The following PPFIBP2 variants were observed in gnomAD, a reference collection of about 807,000 sequenced individuals.
PPFIBP2 encodes liprin-beta-2.
Under a neutral mutation model 118.3 loss-of-function variants are expected in PPFIBP2, and 118 were observed. The ratio of observed to expected loss-of-function variants is 1.00; its 90% CI spans 0.86 to 1.16. PPFIBP2 has a LOEUF of 1.16. PPFIBP2 is among the 50% of genes most tolerant of loss of function. PPFIBP2 has a pLI of 0.00. For missense variants in PPFIBP2, 1,195 were observed against 1,073.1 expected (o/e 1.11, Z -1.59); for synonymous variants, 414 against 397.4 (o/e 1.04, Z -0.50).
chr11:7,557,855 G>T (rs1853818008), intron 2 of PPFIBP2, among the ~76,000 whole-genome samples: 1 of 152,038 alleles, frequency 6.6e-6, no homozygotes, highest in Non-Finnish European at 1.5e-5. Flanking sequence ...TACTCCTGTG[G>T]ACCCCTCTTT....
At chr11:7,597,071 A>C in intron 4 of PPFIBP2, 1 of 1,078,314 alleles carries the variant, frequency 9.3e-7, no homozygotes, top group Non-Finnish European at 1.2e-6. Flanking sequence ...TACAGCCCAC[A>C]TTCCTTAATT....
downstream of PPFIBP2, among the ~76,000 whole-genome samples, chr11:7,654,786 T>A (rs1854531454): frequency 1.3e-5 from 2 of 152,216 alleles, no homozygotes; most frequent in South Asian, 4.1e-4. Context: ...CATGGAACTG[T>A]TGTGCCACTG....
the PPFIBP2 span, among the ~76,000 whole-genome samples, chr11:7,663,344 G>C: frequency 9.3e-5 from 14 of 151,266 alleles, no homozygotes; most frequent in East Asian, 2.5e-3. Flanking sequence ...TGTCCTTTCT[G>C]TTTGTTAGTT....
intron 2 of PPFIBP2, among the ~76,000 whole-genome samples, chr11:7,562,490 A>G (rs1023802793): frequency 6.6e-5 from 10 of 152,178 alleles, no homozygotes; most frequent in African/African-American, 2.4e-4. Context: ...GTCATATCCT[A>G]TCATTTCTGT....
chr11:7,551,183 G>T (rs1852945352), intron 2 of PPFIBP2, among the ~76,000 whole-genome samples: 1 of 152,144 alleles, frequency 6.6e-6, no homozygotes, highest in Non-Finnish European at 1.5e-5. Context: ...TCCTTTTAGA[G>T]ATACTGACCT....
At chr11:7,525,863 T>A (rs1564938422) in intron 1 of PPFIBP2, among the ~76,000 whole-genome samples, 2 of 152,210 alleles carry the variant, frequency 1.3e-5, no homozygotes, top group African/African-American at 4.8e-5. Context: ...CCGGTATCCC[T>A]GTCTTACAAG....
At chr11:7,547,865 A>G (rs1418605515) in intron 1 of PPFIBP2, among the ~76,000 whole-genome samples, 1 of 152,012 alleles carries the variant, frequency 6.6e-6, no homozygotes, top group Non-Finnish European at 1.5e-5. Context: ...CCCCTCCACA[A>G]GCATGGTTGC....
chr11:7,641,403 G>A, intron 15 of PPFIBP2, 76 bp from the exon 16 acceptor site: 2 of 1,506,858 alleles, frequency 1.3e-6, no homozygotes, highest in Non-Finnish European at 9.1e-7. Flanking sequence ...CTGAAGGGGA[G>A]GGCCCAGGCT....
the PPFIBP2 span, among the ~76,000 whole-genome samples, chr11:7,663,982 G>A: frequency 2.0e-5 from 3 of 152,194 alleles, no homozygotes; most frequent in Non-Finnish European, 4.4e-5. Flanking sequence ...TCCCAAGTGA[G>A]GCAATGCCTT....
In PPFIBP2 at chr11:7,648,893, G is replaced by T; in HGVS notation, c.1891G>T (p.Asp631Tyr). The change falls in exon 19 of 24, where the codon GAC (aspartate) becomes TAC (tyrosine). Residue 631 changes from aspartate (D) to tyrosine (Y), a missense_variant. By Grantham distance (160) the Asp-to-Tyr change is radical (BLOSUM62 -3). Coordinates refer to ENST00000299492, the MANE Select transcript of PPFIBP2 (RefSeq NM_003621.5). Reference protein sequence around the residue: ...TKQEEKSALLDHIWVTRWLDD... With the variant: ...TKQEEKSALLYHIWVTRWLDD... ...ACAGGAGGAGAAGTCTGCACTGCTA[G>T]ACCACATTTGGGTGACAAGTAAGGA... 1.2e-6 allele frequency: 2 copies of T among 1,613,872 alleles called. No homozygotes were observed. The highest frequency in any genetic ancestry group is 2.2e-5 in the South Asian group (2 of 91,054).
intron 6 of PPFIBP2, 117 bp downstream of exon 6, chr11:7,610,539 C>T (rs960572933): frequency 7.3e-5 from 100 of 1,367,212 alleles, no homozygotes; most frequent in Non-Finnish European, 8.3e-5. Context: ...AATATCTATA[C>T]ACTAGAGATG....
chr11:7,558,612 C>T (rs1004769144), intron 2 of PPFIBP2, among the ~76,000 whole-genome samples: 4 of 151,998 alleles, frequency 2.6e-5, no homozygotes, highest in Non-Finnish European at 4.4e-5. Context: ...AAAAATTAGC[C>T]AGGCGTGGTG....
At chr11:7,655,491 G>A (rs751652825), downstream of PPFIBP2, 133 of 1,289,686 alleles carry the variant, frequency 1.0e-4, no homozygotes, top group Admixed American at 3.4e-4. Context: ...GACATTCACC[G>A]CCTTACGGTA....
the PPFIBP2 span, chr11:7,665,771 G>C: frequency 7.0e-7 from 1 of 1,423,906 alleles, no homozygotes; most frequent in Admixed American, 2.0e-5. Flanking sequence ...CTGAAGCCCT[G>C]CTGCTGTCTG....
chr11:7,606,819 T>G (rs192030943), intron 5 of PPFIBP2, among the ~76,000 whole-genome samples: 53 of 149,394 alleles, frequency 3.5e-4, no homozygotes, highest in Admixed American at 8.7e-4. Flanking sequence ...AGAGATACAT[T>G]ATGAAACTTT....
chr11:7,523,781 A>C (rs1323940421), intron 1 of PPFIBP2, among the ~76,000 whole-genome samples: 1 of 152,080 alleles, frequency 6.6e-6, no homozygotes, highest in Non-Finnish European at 1.5e-5. Context: ...TGCTTCAGGT[A>C]TGTCTCTTTC....
chr11:7,531,119 C>T (rs1395467962), intron 1 of PPFIBP2, among the ~76,000 whole-genome samples: 1 of 152,140 alleles, frequency 6.6e-6, no homozygotes, highest in African/African-American at 2.4e-5. Context: ...TCCAGCAGGC[C>T]TGTCTTTGGC....
chr11:7,654,000 A>G (rs7128039), downstream of PPFIBP2, among the ~76,000 whole-genome samples: 119,961 of 152,136 alleles, frequency 0.79, 47,515 homozygotes, highest in African/African-American at 0.85. Context: ...AGGGGGCTTC[A>G]AGTCTCATGC....
At chr11:7,548,736 C>T (rs2134519884) in intron 1 of PPFIBP2, among the ~76,000 whole-genome samples, 1 of 152,302 alleles carries the variant, frequency 6.6e-6, no homozygotes, top group South Asian at 2.1e-4. Flanking sequence ...AGTGGCCGGA[C>T]TGTGTATCCT....
Sources: allele counts gnomAD v4.1 joint callset (sites outside exome capture counted in the v4.1 genomes callset), GRCh38; gene constraint gnomAD v4.1.1; transcripts MANE v1.5; gene names NCBI Gene and HGNC (gene_info 2026-07-23, HGNC 2026-07-21).